The following EVI5L variants were observed in gnomAD, a reference collection of about 807,000 sequenced individuals.
EVI5L encodes ecotropic viral integration site 5 like.
EVI5L carries 30 observed loss-of-function variants against 106.1 expected under a neutral mutation model. The observed-to-expected ratio is 0.28, with a 90% CI of 0.21 to 0.38. The LOEUF (loss-of-function observed/expected upper bound fraction) is 0.38, where lower values mean the gene tolerates loss of function less well. Among genes scored for constraint, EVI5L ranks in the 10% least tolerant of loss-of-function variants. The pLI, the probability that EVI5L is intolerant of heterozygous loss-of-function variation, is 1.00. For missense variants in EVI5L, 809 were observed against 1,098.0 expected, an observed-to-expected ratio of 0.74 and a Z score of 3.72; for synonymous variants, 489 against 483.3, an observed-to-expected ratio of 1.01 and a Z score of -0.15.
chr19:7,855,119 T>TC (rs1417132264), intron 10 of EVI5L, among the ~76,000 whole-genome samples: 2 of 150,518 alleles, frequency 1.3e-5, no homozygotes, highest in East Asian at 3.9e-4. Context: ...TTTTTCTTTT[T>TC]TTTTTTTTTT....
Position 7,858,078 on chromosome 19 carries a change from C to A in EVI5L, c.1234-113C>A. ...GGCTCTGAGTACGGGAGGCCCCCAC[C>A]TCACTTCCCCCCACCTCCACTCTCT... is the stretch of plus-strand genomic sequence containing the variant. On this transcript the variant is annotated intron_variant, in intron 12 of 19. Transcript: ENST00000538904. The surrounding 1 kb of genome is among the most constrained non-coding windows in gnomAD (Gnocchi z 5.7). The A allele has an allele frequency of 3.8e-6, 5 of 1,313,188 alleles. No individual in the cohort carries two copies. Among genetic ancestry groups the A allele is most frequent in the Non-Finnish European group, 5.2e-6 (5 of 964,934 alleles). 81.3% of individuals were successfully genotyped at this position (1,313,188 alleles called of 1,614,324 possible).
rs759022038 is a variant in EVI5L, at chr19:7,860,700, GAGGCAGACGGGC to G, written c.1503+15_1503+26del. On this transcript the variant is annotated intron_variant, in intron 14 of 19. Transcript: ENST00000538904. Reference sequence around the variant, plus strand: ...CTCGACATGGAAAAGGTGCAATGGGGAGGCAGACGGGCAGGTGTCGGGGGGACCCTGGGGCAC... The same window carrying G: ...CTCGACATGGAAAAGGTGCAATGGGGAGGTGTCGGGGGGACCCTGGGGCAC... 4 of 1,572,126 alleles carry G rather than the reference GAGGCAGACGGGC, an allele frequency of 2.5e-6. No individual in the cohort carries two copies. Among genetic ancestry groups the G allele is most frequent in the Non-Finnish European group, 3.5e-6 (4 of 1,158,888 alleles).
intron 1 of EVI5L, among the ~76,000 whole-genome samples, chr19:7,836,541 A>T (rs1217037412): frequency 6.6e-6 from 1 of 152,140 alleles, no homozygotes; most frequent in Non-Finnish European, 1.5e-5. Flanking sequence ...CTTCCTCCTC[A>T]GCCTAGTCAA....
In EVI5L at chr19:7,850,201, A is replaced by T; in HGVS notation, c.753+79A>T. On this transcript the variant is annotated intron_variant, in intron 6 of 19. Coordinates refer to ENST00000538904, the MANE Select transcript of EVI5L (RefSeq NM_001159944.3). The surrounding 1 kb of genome is among the most constrained non-coding windows in gnomAD (Gnocchi z 5.4). ...CAGGGCCGCAAGGGAGCAGGATCGCAGAAGGGCAGGGCTGGCACCCTAGAC... is the reference window on the plus strand; with the variant it reads ...CAGGGCCGCAAGGGAGCAGGATCGCTGAAGGGCAGGGCTGGCACCCTAGAC... 6.6e-7 allele frequency: 1 copy of T among 1,526,570 alleles called. No homozygotes were observed. The highest frequency in any genetic ancestry group is 8.8e-7 in the Non-Finnish European group (1 of 1,136,884). The allele number at this position is 1,526,570 out of a possible 1,614,324, so 94.6% of individuals were successfully genotyped here. A position where few individuals can be genotyped will look rare whatever the true frequency, so the allele number is the denominator to read the frequency against.
intron 1 of EVI5L, among the ~76,000 whole-genome samples, chr19:7,842,737 A>C (rs1022439086): frequency 6.0e-5 from 9 of 149,224 alleles, no homozygotes; most frequent in Admixed American, 6.9e-5. Context: ...TATTGTGTGC[A>C]TGTGTGTGAA....
intron 1 of EVI5L, among the ~76,000 whole-genome samples, chr19:7,844,331 CAAAA>C (rs71179149): frequency 2.5e-4 from 33 of 132,440 alleles, no homozygotes; most frequent in Non-Finnish European, 3.6e-4. Context: ...GACTCCGTCT[CAAAA>C]AAAAAAAAAA....
At chr19:7,851,204 G>C (rs1979233297) in intron 6 of EVI5L, among the ~76,000 whole-genome samples, 1 of 152,138 alleles carries the variant, frequency 6.6e-6, no homozygotes, top group Non-Finnish European at 1.5e-5. Context: ...CCCAACACAG[G>C]CGGCTACAGA....
chr19:7,856,506 G>C lies in EVI5L; in HGVS notation c.1200+438G>C, dbSNP rs997689941. On this transcript the variant is annotated intron_variant, in intron 11 of 19. Coordinates refer to ENST00000538904, the MANE Select transcript of EVI5L (RefSeq NM_001159944.3). The surrounding 1 kb of genome is among the most constrained non-coding windows in gnomAD (Gnocchi z 6.6). ...GAGAAGCGTGGCGCCATGGTGGGGA[G>C]CCACAGCCCGGACTCTGCTCCCCAA... Among the ~76,000 whole-genome samples, 1 of 151,956 alleles carries C rather than the reference G, an allele frequency of 6.6e-6. No homozygotes were observed. Among genetic ancestry groups the C allele is most frequent in the Admixed American group, 6.5e-5 (1 of 15,280 alleles).
Position 7,849,252 on chromosome 19 carries a change from C to A in EVI5L, c.553-4C>A. 6 of 1,614,146 alleles carry A rather than the reference C, an allele frequency of 3.7e-6. No homozygotes were observed. The highest frequency in any genetic ancestry group is 5.1e-6 in the Non-Finnish European group (6 of 1,180,004). ...CCCTGCTCTCAGGACTTGTTCCCTT[C>A]TAGGCATACTCGCTGGTAGACCGGG... is the stretch of plus-strand genomic sequence containing the variant. On this transcript the variant is annotated splice_region_variant and splice_polypyrimidine_tract_variant and intron_variant, in intron 4 of 19. Coordinates refer to ENST00000538904, the MANE Select transcript of EVI5L (RefSeq NM_001159944.3).
intron 2 of EVI5L, 72 bp downstream of exon 2, chr19:7,846,751 C>T: frequency 1.3e-6 from 2 of 1,545,260 alleles, no homozygotes; most frequent in Non-Finnish European, 1.7e-6. Context: ...TTCCCAGGTG[C>T]CCTCACATTC....
At chr19:7,851,399 C>A in intron 6 of EVI5L, 35 bp from the exon 7 acceptor site, 1 of 1,596,442 alleles carries the variant, frequency 6.3e-7, no homozygotes, top group Non-Finnish European at 8.5e-7. Context: ...AGGGCGTCCC[C>A]CTCACTGTGC....
Position 7,856,842 on chromosome 19 carries a change from C to G in EVI5L, c.1201-250C>G. ...GGGTTTCCCAGCCCTGCGGCCTCCC[C>G]CACAGCCGCGGGCACCCCCGACCTC... On this transcript the variant is annotated intron_variant, in intron 11 of 19. Coordinates refer to ENST00000538904, the MANE Select transcript of EVI5L (RefSeq NM_001159944.3). This position sits in a 1 kb window ranked among gnomAD's most constrained non-coding sequence, Gnocchi z 6.6. 1.5e-6 allele frequency: 1 copy of G among 679,564 alleles called. No individual in the cohort carries two copies. Among genetic ancestry groups the G allele is most frequent in the South Asian group, 1.6e-5 (1 of 64,144 alleles). 42.1% of individuals were successfully genotyped at this position (679,564 alleles called of 1,614,324 possible).
rs1037280884 is a variant in EVI5L, at chr19:7,835,501, C to A, written c.-48+5120C>A. Among the ~76,000 whole-genome samples, 2 of 152,092 alleles carry A rather than the reference C, an allele frequency of 1.3e-5. No individual in the cohort carries two copies. Among genetic ancestry groups the A allele is most frequent in the African/African-American group, 4.8e-5 (2 of 41,472 alleles). ...CCAGCCTGGGTGACAGAGGTAGACT[C>A]GGTTTCAAAGAAAAAAGAATAAAAA... On this transcript the variant is annotated intron_variant, in intron 1 of 19. Transcript: ENST00000538904. The surrounding 1 kb of genome is among the most constrained non-coding windows in gnomAD (Gnocchi z 4.1).
chr19:7,862,903 G>T, intron 17 of EVI5L, 69 bp from the exon 18 acceptor site: 1 of 1,051,834 alleles, frequency 9.5e-7, no homozygotes, highest in South Asian at 1.5e-5. Flanking sequence ...GCCCCTGCCC[G>T]CGGTCCCGCC....
rs1348644186 is a variant in EVI5L at position 7,849,343 on chromosome 19, G to A, written c.627+13G>A. On this transcript the variant is annotated intron_variant, in intron 5 of 19. Transcript: ENST00000538904. ...GCTCCTCATGCAGGTAGGTGGCTGGGGGGTGGCTGGGCTCCTGCCAGACAA... is the reference window on the plus strand; with the variant it reads ...GCTCCTCATGCAGGTAGGTGGCTGGAGGGTGGCTGGGCTCCTGCCAGACAA... 5 of 1,613,522 alleles carry A rather than the reference G, an allele frequency of 3.1e-6. No homozygotes were observed. The highest frequency in any genetic ancestry group is 4.2e-6 in the Non-Finnish European group (5 of 1,179,972).
intron 17 of EVI5L, 148 bp from the exon 18 acceptor site, chr19:7,862,824 C>G (rs1979904275): frequency 4.0e-6 from 2 of 502,736 alleles, no homozygotes; most frequent in Non-Finnish European, 6.5e-6. Context: ...CTCCCTTGCC[C>G]GCGGTCCCGC....
In EVI5L at chr19:7,860,591, T is replaced by A. The variant is rs896247245; in HGVS notation, c.1405T>A (p.Ser469Thr). The change falls in exon 14 of 20, where the codon TCC (serine) becomes ACC (threonine). Residue 469 changes from serine (S) to threonine (T), a missense_variant. By Grantham distance (58) the Ser-to-Thr change is moderately conservative. This residue lies in a region of EVI5L where 452 missense variants were observed against 509.9 expected (regional missense o/e 0.89). Transcript: ENST00000538904. Reference protein sequence around the residue: ...ENPRLTEDFVSHLETELEQSR... With the variant: ...ENPRLTEDFVTHLETELEQSR... ...CCCCCGCCTCACAGAAGACTTCGTGTCCCACCTGGAGACCGAGCTGGAGCA... is the reference window on the plus strand; with the variant it reads ...CCCCCGCCTCACAGAAGACTTCGTGACCCACCTGGAGACCGAGCTGGAGCA... 18 of 1,599,368 alleles carry A rather than the reference T, an allele frequency of 1.1e-5. No homozygotes were observed. Among genetic ancestry groups the A allele is most frequent in the Admixed American group, 1.7e-5 (1 of 58,342 alleles).
At chr19:7,838,537 C>G (rs1163152945) in intron 1 of EVI5L, among the ~76,000 whole-genome samples, 1 of 152,160 alleles carries the variant, frequency 6.6e-6, no homozygotes, top group Non-Finnish European at 1.5e-5. Context: ...TGATGTTGAC[C>G]TTGATCACCT....
intron 6 of EVI5L, 42 bp from the exon 7 acceptor site, chr19:7,851,392 G>A: frequency 6.3e-7 from 1 of 1,585,328 alleles, no homozygotes; most frequent in Non-Finnish European, 8.6e-7. Context: ...CGGTGGGAGG[G>A]CGTCCCCCTC....
Sources: allele counts gnomAD v4.1 joint callset (sites outside exome capture counted in the v4.1 genomes callset), GRCh38; gene constraint gnomAD v4.1.1; regional missense constraint gnomAD v4.1.1; non-coding constraint Gnocchi (gnomAD v3.1); transcripts MANE v1.5; gene names NCBI Gene and HGNC (gene_info 2026-07-23, HGNC 2026-07-21).